DOCK8: variants seen among roughly 807,000 people sequenced by gnomAD.
The protein encoded by DOCK8 is dedicator of cytokinesis 8.
A neutral mutation model predicts 245.6 loss-of-function variants in DOCK8; 141 were observed. That is an observed-to-expected ratio of 0.57 (90% CI 0.50 to 0.66). The LOEUF is 0.66. Among genes scored for constraint, DOCK8 ranks in the 30% least tolerant of loss-of-function variants. The pLI, the probability that DOCK8 is intolerant of heterozygous loss-of-function variation, is 0.00. For missense variants in DOCK8, 2,965 were observed against 2,603.4 expected (o/e 1.14, Z -3.02); for synonymous variants, 1,168 against 970.2 (o/e 1.20, Z -3.79).
chr9:371,130 C>T (rs2053266676), intron 16 of DOCK8, among the ~76,000 whole-genome samples: 1 of 152,114 alleles, frequency 6.6e-6, no homozygotes, highest in Admixed American at 6.5e-5. Flanking sequence ...CTCATCCTTT[C>T]TTCAAATTAA....
chr9:464,238 G>T lies in DOCK8; in HGVS notation c.*19G>T. The T allele has an allele frequency of 6.2e-7, 1 of 1,607,566 alleles. No individual in the cohort carries two copies. The highest frequency in any genetic ancestry group is 8.5e-7 in the Non-Finnish European group (1 of 1,174,100). On this transcript the variant is annotated 3_prime_UTR_variant, in exon 48 of 48. Transcript: ENST00000432829. ...CAGCTAAGAAAAGCCATCTTCATTCGTGGAGACTGTGGCCCTGCAACCCTG... is the reference window on the plus strand; with the variant it reads ...CAGCTAAGAAAAGCCATCTTCATTCTTGGAGACTGTGGCCCTGCAACCCTG...
At chr9:382,728 T>C in intron 22 of DOCK8, 43 bp downstream of exon 22, 1 of 1,606,972 alleles carries the variant, frequency 6.2e-7, no homozygotes, top group Non-Finnish European at 8.5e-7. Context: ...CAGGCTTTTT[T>C]ATTTTTTAAC....
At chr9:369,805 C>CTTTT in intron 15 of DOCK8, 1 of 232,518 alleles carries the variant, frequency 4.3e-6, no homozygotes, top group African/African-American at 2.3e-5. Flanking sequence ...AGTCCCAGCA[C>CTTTT]TTTTTTTTTT....
At chr9:342,905 G>A (rs557166570) in intron 14 of DOCK8, among the ~76,000 whole-genome samples, 1 of 151,990 alleles carries the variant, frequency 6.6e-6, no homozygotes, top group Non-Finnish European at 1.5e-5. Flanking sequence ...TTTTGTCTTT[G>A]CCCCTCTGTA....
rs1043781794 is a variant in DOCK8 at position 229,546 on chromosome 9, C to A, written c.53+14517C>A. 4.6e-5 allele frequency among the ~76,000 whole-genome samples: 7 copies of A among 152,122 alleles called. 1 individual carries two copies. On this transcript the variant is annotated intron_variant, in intron 1 of 47. Coordinates refer to ENST00000432829, the MANE Select transcript of DOCK8 (RefSeq NM_203447.4). ...TTGAGAGTATCAGAGAGAGAAGGTGCCTGAAAATTGCCACATGTCCCCAAA... is the reference window on the plus strand; with the variant it reads ...TTGAGAGTATCAGAGAGAGAAGGTGACTGAAAATTGCCACATGTCCCCAAA...
intron 2 of DOCK8, among the ~76,000 whole-genome samples, chr9:275,770 G>A (rs578245947): frequency 1.6e-3 from 249 of 152,164 alleles, no homozygotes; most frequent in African/African-American, 5.8e-3. Context: ...TGTACTTTTA[G>A]TAGAGACAGG....
chr9:215,312 C>G (rs1021324265), intron 1 of DOCK8: 3 of 1,605,160 alleles, frequency 1.9e-6, no homozygotes, highest in African/African-American at 2.7e-5. Context: ...CCCGCTCCGC[C>G]CTCCAGGTTC....
At chr9:405,108 C>T in intron 27 of DOCK8, 35 bp downstream of exon 27, 1 of 1,583,080 alleles carries the variant, frequency 6.3e-7, no homozygotes, top group East Asian at 2.3e-5. Context: ...AAGAATTATT[C>T]AAGCTATTTC....
chr9:373,972 C>A (rs2053409974), intron 18 of DOCK8, among the ~76,000 whole-genome samples: 1 of 152,164 alleles, frequency 6.6e-6, no homozygotes, highest in Admixed American at 6.5e-5. Context: ...AGAGACAAAT[C>A]TGTGTCCAAA....
intron 2 of DOCK8, among the ~76,000 whole-genome samples, chr9:279,798 G>A (rs76307794): frequency 5.9e-5 from 9 of 152,278 alleles, no homozygotes; most frequent in Non-Finnish European, 1.2e-4. Flanking sequence ...ATACAGGTGC[G>A]CCAGCTGGAG....
At chr9:308,634 A>G (rs1348784959) in intron 5 of DOCK8, among the ~76,000 whole-genome samples, 4 of 152,106 alleles carry the variant, frequency 2.6e-5, no homozygotes, top group Non-Finnish European at 5.9e-5. Context: ...ATATACTGTG[A>G]TTATCTTTCT....
At chr9:355,360 C>T (rs535917710) in intron 14 of DOCK8, among the ~76,000 whole-genome samples, 82 of 152,054 alleles carry the variant, frequency 5.4e-4, no homozygotes, top group African/African-American at 1.6e-3. Context: ...TGTGCCACCA[C>T]GCCCAGCTTA....
rs1236594401 is a variant in DOCK8 at position 312,067 on chromosome 9, G to T, written c.642G>T (p.Leu214=). The stretch of plus-strand genomic sequence containing the variant: ...CTGACAAGCGGCTAGAAAACCTCCT[G>T]CAGCAAGTGAGTGCCGAGGACTTTG... ...LQPDKRLENL[L]QQVSAEDFEK... The change falls in exon 6 of 48, where the codon CTG becomes CTT. Residue 214 remains leucine (L), a synonymous_variant. Coordinates refer to ENST00000432829, the MANE Select transcript of DOCK8 (RefSeq NM_203447.4). The T allele has an allele frequency of 4.3e-6, 7 of 1,614,108 alleles. No homozygotes were observed. The highest frequency in any genetic ancestry group is 5.9e-6 in the Non-Finnish European group (7 of 1,180,040).
intron 16 of DOCK8, among the ~76,000 whole-genome samples, chr9:370,744 T>C (rs902361727): frequency 6.6e-6 from 1 of 152,120 alleles, no homozygotes; most frequent in African/African-American, 2.4e-5. Flanking sequence ...CACCGGCAAA[T>C]GGAGTCATGG....
At chr9:417,321 G>C (rs1332297577) in intron 29 of DOCK8, among the ~76,000 whole-genome samples, 1 of 152,100 alleles carries the variant, frequency 6.6e-6, no homozygotes, top group African/African-American at 2.4e-5. Context: ...ACTGGGTTTT[G>C]TTTTCACAAC....
At chr9:397,106 G>A (rs2054498306) in intron 25 of DOCK8, among the ~76,000 whole-genome samples, 172 bp downstream of exon 25, 1 of 152,132 alleles carries the variant, frequency 6.6e-6, no homozygotes, top group Non-Finnish European at 1.5e-5. Flanking sequence ...CTGGAAAATT[G>A]TTATAAACAA....
chr9:405,116 T>G lies in DOCK8; in HGVS notation c.3390+43T>G, dbSNP rs748189724. 4 of 1,555,380 alleles carry G rather than the reference T, an allele frequency of 2.6e-6. No homozygotes were observed. In the African/African-American group the frequency reaches 4.1e-5, roughly 16 times the overall value. On this transcript the variant is annotated intron_variant, in intron 27 of 47. Transcript: ENST00000432829. ...TAACTAAAAGAATTATTCAAGCTATTTCATTTAACTAGCTCAGTTTAATCA... is the reference window on the plus strand; with the variant it reads ...TAACTAAAAGAATTATTCAAGCTATGTCATTTAACTAGCTCAGTTTAATCA...
intron 14 of DOCK8, among the ~76,000 whole-genome samples, chr9:343,887 C>T (rs1369436492): frequency 6.6e-6 from 1 of 152,190 alleles, no homozygotes; most frequent in Non-Finnish European, 1.5e-5. Flanking sequence ...TTTAATCACC[C>T]ACAGGTGGCA....
At chr9:299,611 A>T (rs2049435309) in intron 4 of DOCK8, among the ~76,000 whole-genome samples, 1 of 151,586 alleles carries the variant, frequency 6.6e-6, no homozygotes, top group South Asian at 2.1e-4. Flanking sequence ...TTATTTCCTT[A>T]TTCAGAGTTC....
Sources: allele counts gnomAD v4.1 joint callset (sites outside exome capture counted in the v4.1 genomes callset), GRCh38; gene constraint gnomAD v4.1.1; transcripts MANE v1.5; gene names NCBI Gene and HGNC (gene_info 2026-07-23, HGNC 2026-07-21).